Variants in PLCH1 observed in about 807,000 individuals in gnomAD.
The protein encoded by PLCH1 is 1-phosphatidylinositol 4,5-bisphosphate phosphodiesterase eta-1.
In PLCH1, 60 loss-of-function variants were observed where a neutral mutation model predicts 126.7. That is an observed-to-expected ratio of 0.47 (90% CI 0.38 to 0.59). PLCH1 has a LOEUF of 0.59. Among genes scored for constraint, PLCH1 ranks in the 20% least tolerant of loss-of-function variants. The pLI is 0.00. For synonymous variants in PLCH1, 719 were observed against 734.9 expected (o/e 0.98, Z 0.35); for missense variants, 1,723 against 2,040.0 (o/e 0.84, Z 2.99).
intron 2 of PLCH1, among the ~76,000 whole-genome samples, chr3:155,599,684 C>T (rs1056535094): frequency 1.3e-5 from 2 of 152,166 alleles, no homozygotes; most frequent in African/African-American, 4.8e-5. Context: ...AGAGATCTAA[C>T]AGCAAGGACT....
chr3:155,733,929 G>GTATATA (rs1748951791), intron 1 of PLCH1, among the ~76,000 whole-genome samples: 2 of 61,940 alleles, frequency 3.2e-5, no homozygotes, highest in African/African-American at 1.1e-4. Context: ...TGGCCAACAG[G>GTATATA]TATACATATA....
chr3:155,638,604 T>C (rs2108844148), intron 2 of PLCH1, among the ~76,000 whole-genome samples: 1 of 152,382 alleles, frequency 6.6e-6, no homozygotes. Context: ...TGAATGTTTA[T>C]TTGTGAAGTC....
chr3:155,604,609 C>T (rs1734137440), intron 2 of PLCH1, among the ~76,000 whole-genome samples: 1 of 152,100 alleles, frequency 6.6e-6, no homozygotes, highest in Non-Finnish European at 1.5e-5. Flanking sequence ...TTGTATTAAA[C>T]CCTTCCACAT....
intron 2 of PLCH1, among the ~76,000 whole-genome samples, chr3:155,687,264 C>T (rs914834485): frequency 6.6e-6 from 1 of 152,052 alleles, no homozygotes; most frequent in South Asian, 2.1e-4. Context: ...TTTTCTGCTT[C>T]AATAGTCCTC....
At chr3:155,616,253 T>C (rs1165695053) in intron 2 of PLCH1, among the ~76,000 whole-genome samples, 1 of 150,716 alleles carries the variant, frequency 6.6e-6, no homozygotes, top group Non-Finnish European at 1.5e-5. Context: ...AGTAATTCTG[T>C]CTAATTTAGA....
chr3:155,727,511 C>G (rs1748431664), intron 1 of PLCH1, among the ~76,000 whole-genome samples: 2 of 152,042 alleles, frequency 1.3e-5, no homozygotes, highest in South Asian at 4.2e-4. Context: ...CCTCAGCCTC[C>G]TGCGTAGCTG....
intron 2 of PLCH1, among the ~76,000 whole-genome samples, chr3:155,669,637 C>T (rs1743196488): frequency 6.6e-6 from 1 of 151,824 alleles, no homozygotes; most frequent in African/African-American, 2.4e-5. Context: ...TCAGTGAGAA[C>T]ATAAGAAAAT....
chr3:155,568,280 C>T lies in PLCH1; in HGVS notation c.816G>A (p.Lys272=), dbSNP rs878888411. The change falls in exon 7 of 23, where the codon AAG becomes AAA. Residue 272 remains lysine, a synonymous_variant. Transcript: ENST00000460012. ...TTDYCLDIIK[K]FEVSEENKVK... is the part of the protein sequence containing the mutation. The stretch of plus-strand genomic sequence containing the variant: ...CCTTATTTTCTTCTGAAACTTCAAA[C>T]TTCTTTATGATGTCAAGACAATAGT... The T allele has an allele frequency of 2.6e-6, 4 of 1,553,816 alleles. No individual in the cohort carries two copies. The highest frequency in any genetic ancestry group is 1.1e-5 in the South Asian group (1 of 89,062).
intron 12 of PLCH1, among the ~76,000 whole-genome samples, chr3:155,512,266 C>T (rs1318180500): frequency 6.6e-6 from 1 of 152,174 alleles, no homozygotes; most frequent in African/African-American, 2.4e-5. Context: ...ACTTTGACCT[C>T]TCCCTGAGCA....
chr3:155,670,943 G>C (rs1459238331), intron 2 of PLCH1, among the ~76,000 whole-genome samples: 1 of 152,154 alleles, frequency 6.6e-6, no homozygotes, highest in African/African-American at 2.4e-5. Flanking sequence ...GGAATATCAG[G>C]CCAACCTGTC....
chr3:155,676,165 C>A, intron 2 of PLCH1: 1 of 1,343,818 alleles, frequency 7.4e-7, no homozygotes, highest in South Asian at 2.3e-5. Flanking sequence ...CCTTAGCAGC[C>A]CCCAGAACTT....
intron 10 of PLCH1, among the ~76,000 whole-genome samples, chr3:155,544,534 G>T (rs909968743): frequency 6.6e-6 from 1 of 152,154 alleles, no homozygotes; most frequent in Non-Finnish European, 1.5e-5. Flanking sequence ...GCACCAAGCG[G>T]ACCTAATAGA....
At chr3:155,583,196 A>T (rs1730935251) in intron 6 of PLCH1, among the ~76,000 whole-genome samples, 1 of 139,292 alleles carries the variant, frequency 7.2e-6, no homozygotes, top group African/African-American at 2.5e-5. Context: ...CCATTGTATT[A>T]AAATATTAAC....
At chr3:155,704,866 A>G (rs1746541871) in intron 1 of PLCH1, among the ~76,000 whole-genome samples, 1 of 152,206 alleles carries the variant, frequency 6.6e-6, no homozygotes. Context: ...CAGCAAGGTA[A>G]ACTAGCAGTG....
intron 2 of PLCH1, among the ~76,000 whole-genome samples, chr3:155,653,637 C>T (rs1741035807): frequency 6.6e-6 from 1 of 152,126 alleles, no homozygotes. Flanking sequence ...TTCATCACAT[C>T]CAAAATGACT....
chr3:155,697,408 G>A (rs1043566157), intron 2 of PLCH1, among the ~76,000 whole-genome samples: 10 of 152,082 alleles, frequency 6.6e-5, no homozygotes, highest in Non-Finnish European at 1.5e-4. Context: ...GTATAATATC[G>A]TCAATGCCCA....
At chr3:155,584,829 T>C (rs896142759) in intron 5 of PLCH1, among the ~76,000 whole-genome samples, 4 of 152,176 alleles carry the variant, frequency 2.6e-5, no homozygotes, top group African/African-American at 9.7e-5. Flanking sequence ...ATGATTTGTA[T>C]AGGTACAGAC....
intron 6 of PLCH1, among the ~76,000 whole-genome samples, chr3:155,579,104 T>C (rs540909096): frequency 1.3e-5 from 2 of 152,232 alleles, no homozygotes; most frequent in Non-Finnish European, 2.9e-5. Flanking sequence ...TGCCTAACTC[T>C]CTGGGTCTTC....
chr3:155,483,940 T>C (rs1368376563), intron 22 of PLCH1, among the ~76,000 whole-genome samples: 2 of 152,052 alleles, frequency 1.3e-5, no homozygotes, highest in Non-Finnish European at 2.9e-5. Context: ...TGTTATTAAA[T>C]AGTTTCCAAA....
Sources: allele counts gnomAD v4.1 joint callset (sites outside exome capture counted in the v4.1 genomes callset), GRCh38; gene constraint gnomAD v4.1.1; transcripts MANE v1.5; gene names NCBI Gene and HGNC (gene_info 2026-07-23, HGNC 2026-07-21).